The following TANC2 variants were observed in gnomAD, a reference collection of about 807,000 sequenced individuals.
TANC2 encodes the protein tetratricopeptide repeat, ankyrin repeat and coiled-coil containing 2.
A neutral mutation model predicts 210.5 loss-of-function variants in TANC2; 26 were observed. That is an observed-to-expected ratio of 0.12 (90% CI 0.09 to 0.17). The LOEUF (loss-of-function observed/expected upper bound fraction) is 0.17. Among genes scored for constraint, TANC2 ranks in the 10% least tolerant of loss-of-function variants. The pLI is 1.00. For synonymous variants in TANC2, 931 were observed against 967.1 expected (o/e 0.96, Z 0.69); for missense variants, 2,129 against 2,608.9 (o/e 0.82, Z 4.01).
Position 63,263,289 on chromosome 17 carries a change from G to C in TANC2, c.1034-4459G>C, listed in dbSNP as rs75902486. On this transcript the variant is annotated intron_variant, in intron 8 of 27. Coordinates refer to ENST00000689528, the Ensembl canonical transcript of TANC2. Reference sequence around the variant, plus strand: ...TTTACTGCAAATCTTGCTTATTTAAGATAGAAAAGTAGGATAATTATATAT... The same window carrying C: ...TTTACTGCAAATCTTGCTTATTTAACATAGAAAAGTAGGATAATTATATAT... Among the ~76,000 whole-genome samples, 643 of 152,178 alleles carry C rather than the reference G, an allele frequency of 4.2e-3. 6 individuals are homozygous for C. Among genetic ancestry groups the C allele is most frequent in the African/African-American group, 0.013 (560 of 41,518 alleles).
At chr17:63,356,714 C>A (rs2046791450) in intron 14 of TANC2, among the ~76,000 whole-genome samples, 1 of 152,192 alleles carries the variant, frequency 6.6e-6, no homozygotes, top group African/African-American at 2.4e-5. Context: ...ATAAATCCTG[C>A]CTCTTCTAGG....
chr17:62,972,230 G>A (rs1469167569), intron 1 of TANC2, among the ~76,000 whole-genome samples: 1 of 152,056 alleles, frequency 6.6e-6, no homozygotes. Context: ...CATATAAGTT[G>A]TTTTTTTGTT....
chr17:63,399,518 T>C (rs1247620411), intron 19 of TANC2, among the ~76,000 whole-genome samples: 1 of 152,232 alleles, frequency 6.6e-6, no homozygotes, highest in Non-Finnish European at 1.5e-5. Context: ...GCCTCTTCCT[T>C]GTGGCCTTTG....
chr17:63,032,159 T>C (rs985702061), intron 2 of TANC2, among the ~76,000 whole-genome samples: 1 of 152,196 alleles, frequency 6.6e-6, no homozygotes, highest in African/African-American at 2.4e-5. Context: ...AGAACATAGC[T>C]ACCAACAACT....
rs1212542665 is a variant in TANC2, at chr17:63,420,172, C to T, written c.4442C>T (p.Pro1481Leu). The change falls in exon 28 of 28, where the codon CCT becomes CTT. Residue 1481 changes from proline to leucine, a missense_variant. Physicochemically the swap from Pro to Leu is moderately conservative, Grantham distance 98. This residue lies in a region of TANC2 where 584 missense variants were observed against 627.3 expected (regional missense o/e 0.93). Transcript: ENST00000689528. This position sits in a 1 kb window ranked among gnomAD's most constrained non-coding sequence, Gnocchi z 4.2. ...CAGCAGTTGCCGGAAGAAGCAGAAC[C>T]TGAGCCACAGCATGAAGACATATAC... is the stretch of plus-strand genomic sequence containing the variant. 25 of 1,573,502 alleles carry T rather than the reference C, an allele frequency of 1.6e-5. No homozygotes were observed. The highest frequency in any genetic ancestry group is 1.9e-5 in the Non-Finnish European group (22 of 1,158,772).
chr17:63,200,042 T>A (rs1236953384), intron 6 of TANC2, among the ~76,000 whole-genome samples: 1 of 152,148 alleles, frequency 6.6e-6, no homozygotes. Context: ...TGTAGAGATT[T>A]TTTTTTTCCC....
At chr17:63,316,944 T>G (rs1567909238) in intron 10 of TANC2, among the ~76,000 whole-genome samples, 1 of 54,212 alleles carries the variant, frequency 1.8e-5, no homozygotes, top group East Asian at 2.4e-4. Context: ...TTACAGAATA[T>G]AAGTTATTAA....
chr17:63,389,159 A>ATCT, intron 16 of TANC2, 149 bp from the exon 17 acceptor site: 1 of 682,078 alleles, frequency 1.5e-6, no homozygotes, highest in Admixed American at 3.0e-5. Flanking sequence ...ACCAAAGGAA[A>ATCT]AGAAAAAGGA....
chr17:63,314,254 C>G lies in TANC2; in HGVS notation c.1160-134C>G, dbSNP rs975277314. The G allele has an allele frequency of 6.5e-5, 60 of 923,702 alleles. No homozygotes were observed. The Admixed American group carries it at 1.1e-3, about 17-fold the overall frequency. The allele number at this position is 923,702 out of a possible 1,614,324, so 57.2% of individuals were successfully genotyped here. A position where few individuals can be genotyped will look rare whatever the true frequency, so the allele number is the denominator to read the frequency against. Reference sequence around the variant, plus strand: ...TGTATAGAATCAACATTCGCAGTTGCATTATTTCTGAATAAGCCTAGGATG... The same window carrying G: ...TGTATAGAATCAACATTCGCAGTTGGATTATTTCTGAATAAGCCTAGGATG... On this transcript the variant is annotated intron_variant, in intron 9 of 27. Coordinates refer to ENST00000689528, the Ensembl canonical transcript of TANC2.
rs1396874707 is a variant in TANC2 at position 63,379,706 on chromosome 17, CTTT to C, written c.2583-7_2583-5del. The C allele has an allele frequency of 6.4e-7, 1 of 1,567,746 alleles. No homozygotes were observed. Among genetic ancestry groups the C allele is most frequent in the Non-Finnish European group, 8.6e-7 (1 of 1,157,872 alleles). ...AATTAATTAATTAAAATGAATTTCTCTTTTTTTGCAGGAGTGGTCACACGTTAC... is the reference window on the plus strand; with the variant it reads ...AATTAATTAATTAAAATGAATTTCTCTTTTGCAGGAGTGGTCACACGTTAC... On this transcript the variant is annotated splice_polypyrimidine_tract_variant and intron_variant, in intron 14 of 27. Coordinates refer to ENST00000689528, the Ensembl canonical transcript of TANC2.
intron 14 of TANC2, among the ~76,000 whole-genome samples, chr17:63,364,746 A>G (rs2146971040): frequency 6.6e-6 from 1 of 152,192 alleles, no homozygotes; most frequent in East Asian, 1.9e-4. Flanking sequence ...ATGTCATGCC[A>G]CTGCACTCTA....
At chr17:63,018,490 A>G (rs1366291864) in intron 2 of TANC2, among the ~76,000 whole-genome samples, 1 of 151,516 alleles carries the variant, frequency 6.6e-6, no homozygotes, top group Non-Finnish European at 1.5e-5. Flanking sequence ...CAAAAAAAAA[A>G]AATAAATAAA....
chr17:62,977,893 A>G (rs2032101010), intron 1 of TANC2, among the ~76,000 whole-genome samples: 1 of 152,194 alleles, frequency 6.6e-6, no homozygotes, highest in African/African-American at 2.4e-5. Context: ...AAAAATATAT[A>G]AGCATATACA....
rs1253248206 is a variant in TANC2, at chr17:63,200,904, G to C, written c.716G>C (p.Gly239Ala). 1.9e-6 allele frequency: 3 copies of C among 1,613,558 alleles called. No individual in the cohort carries two copies. The highest frequency in any genetic ancestry group is 1.7e-6 in the Non-Finnish European group (2 of 1,179,746). ...GCAACTGCCAAGGACTGCAGCTATG[G>C]GGCTGTTACTAGTCCAACCTCTACC... is the stretch of plus-strand genomic sequence containing the variant. The change falls in exon 7 of 28, where the codon GGG becomes GCG. Residue 239 changes from glycine (G) to alanine (A), a missense_variant. Around this residue, in one of 5 missense-constraint regions of TANC2, gnomAD observed 739 missense variants for 848.0 expected, o/e 0.87. Transcript: ENST00000689528.
intron 10 of TANC2, among the ~76,000 whole-genome samples, chr17:63,315,772 A>G (rs1055361042): frequency 2.6e-5 from 4 of 152,354 alleles, no homozygotes; most frequent in East Asian, 1.9e-4. Flanking sequence ...TATTGAAGCT[A>G]GTTAGCAGCC....
At chr17:63,205,189 C>T (rs1190135517) in intron 7 of TANC2, among the ~76,000 whole-genome samples, 2 of 151,878 alleles carry the variant, frequency 1.3e-5, no homozygotes, top group African/African-American at 2.4e-5. Context: ...CATGGACAGT[C>T]TTTTCAACAA....
exon 28 of TANC2, chr17:63,426,611 A>G (rs2049150821): frequency 6.6e-6 from 1 of 152,216 alleles, no homozygotes; most frequent in Non-Finnish European, 1.5e-5. Flanking sequence ...GTACCAAATG[A>G]ACGCATAATT....
intron 27 of TANC2, among the ~76,000 whole-genome samples, chr17:63,419,146 A>T (rs2147405933): frequency 6.6e-6 from 1 of 152,322 alleles, no homozygotes; most frequent in African/African-American, 2.4e-5. Flanking sequence ...GAACTGCTTC[A>T]GGTTCACTGC....
At chr17:62,985,377 G>A (rs2143489185) in intron 1 of TANC2, among the ~76,000 whole-genome samples, 1 of 151,974 alleles carries the variant, frequency 6.6e-6, no homozygotes, top group African/African-American at 2.4e-5. Context: ...TCTGTTTGTG[G>A]TTCTTTGAGC....
Sources: allele counts gnomAD v4.1 joint callset (sites outside exome capture counted in the v4.1 genomes callset), GRCh38; gene constraint gnomAD v4.1.1; regional missense constraint gnomAD v4.1.1; non-coding constraint Gnocchi (gnomAD v3.1); transcripts MANE v1.5; gene names NCBI Gene and HGNC (gene_info 2026-07-23, HGNC 2026-07-21).